The following ATP2B2 variants were observed in gnomAD, a reference collection of about 807,000 sequenced individuals.
ATP2B2 encodes the protein plasma membrane calcium-transporting ATPase 2.
A neutral mutation model predicts 120.0 loss-of-function variants in ATP2B2; 15 were observed. That is an observed-to-expected ratio of 0.12 (90% confidence interval 0.08 to 0.19). ATP2B2 has a LOEUF of 0.19. ATP2B2 is among the 10% of genes least tolerant of loss of function. ATP2B2 has a pLI of 1.00. For synonymous variants in ATP2B2, 694 were observed against 700.3 expected (o/e 0.99, Z 0.14); for missense variants, 1,045 against 1,719.8 (o/e 0.61, Z 6.94).
chr3:10,347,561 C>T lies in ATP2B2; in HGVS notation c.2405-1424G>A, dbSNP rs146694186. ...CTGCAGTGCCGTGTGTTCTGGGAAT[C>T]GTTCTGGGCTGCTCCCACCCAGCTG... On this transcript the variant is annotated intron_variant, in intron 16 of 22. Coordinates refer to ENST00000360273, the MANE Select transcript of ATP2B2 (RefSeq NM_001001331.4). The surrounding 1 kb of genome is among the most constrained non-coding windows in gnomAD (Gnocchi z 5.2). Among the ~76,000 whole-genome samples, 483 of 152,322 alleles carry T rather than the reference C, an allele frequency of 3.2e-3. 4 individuals are homozygous for T. Among genetic ancestry groups the T allele is most frequent in the South Asian group, 0.017 (83 of 4,830 alleles).
In ATP2B2 at chr3:10,640,342, A is replaced by C. The variant is rs902422347; in HGVS notation, c.-459-20381T>G. 6.6e-5 allele frequency among the ~76,000 whole-genome samples: 10 copies of C among 152,326 alleles called. No homozygotes were observed. The East Asian group carries it at 7.7e-4, about 12-fold the overall frequency. ...AGACAGACACAAGTGGTCCAAAGGA[A>C]GGTGAAGACAGCACAGCACCTCTCT... On this transcript the variant is annotated intron_variant, in intron 1 of 21. Coordinates refer to the ATP2B2 transcript ENST00000646379.
At chr3:10,595,705 G>C (rs1210301672) in intron 2 of ATP2B2, among the ~76,000 whole-genome samples, 1 of 152,126 alleles carries the variant, frequency 6.6e-6, no homozygotes, top group African/African-American at 2.4e-5. Flanking sequence ...TTGATGCTTG[G>C]AAATTTTGTT....
In ATP2B2 at chr3:10,375,565, C is replaced by T. The variant is rs113465029; in HGVS notation, c.1281G>A (p.Pro427=). Residue 427 remains proline, a synonymous_variant, in exon 11 of 23, where the codon CCG becomes CCA. Transcript: ENST00000360273. The surrounding 1 kb of genome is among the most constrained non-coding windows in gnomAD (Gnocchi z 4.2). ...AGACGGGCGTGCACTCAGGCAGCCACGGCTTCTTGTTGACCACGAAGGTGT... is the reference window on the plus strand; with the variant it reads ...AGACGGGCGTGCACTCAGGCAGCCATGGCTTCTTGTTGACCACGAAGGTGT... ...TVDTFVVNKK[P]WLPECTPVYV... 92 of 1,613,750 alleles carry T rather than the reference C, an allele frequency of 5.7e-5. No homozygotes were observed. The South Asian group carries it at 6.6e-4, about 12-fold the overall frequency.
intron 1 of ATP2B2, among the ~76,000 whole-genome samples, chr3:10,470,061 C>G (rs1341292098): frequency 6.6e-6 from 1 of 151,962 alleles, no homozygotes; most frequent in Admixed American, 6.6e-5. Flanking sequence ...CCTGAGTGGT[C>G]CTGTGGTCAT....
At chr3:10,592,214 G>A (rs1472186658) in intron 2 of ATP2B2, among the ~76,000 whole-genome samples, 2 of 152,194 alleles carry the variant, frequency 1.3e-5, no homozygotes, top group African/African-American at 4.8e-5. Flanking sequence ...GACTAAGAGA[G>A]GTGAATACTT....
chr3:10,411,882 G>T (rs2062623505), intron 2 of ATP2B2, among the ~76,000 whole-genome samples: 1 of 152,182 alleles, frequency 6.6e-6, no homozygotes, highest in Non-Finnish European at 1.5e-5. Flanking sequence ...ATCATGTGGG[G>T]ACCGGACAGA....
Position 10,562,482 on chromosome 3 carries a change from G to A in ATP2B2, c.-414-28349C>T, listed in dbSNP as rs530665074. On this transcript the variant is annotated intron_variant, in intron 2 of 21. Transcript: ENST00000646379. Reference sequence around the variant, plus strand: ...CTAGTCTATGGGTCTTCTCTTGCTGGGTCTTGGGGAAGGAGGGAAGACTCA... The same window carrying A: ...CTAGTCTATGGGTCTTCTCTTGCTGAGTCTTGGGGAAGGAGGGAAGACTCA... 7.2e-5 allele frequency among the ~76,000 whole-genome samples: 11 copies of A among 152,248 alleles called. No individual in the cohort carries two copies. In the South Asian group the frequency reaches 1.9e-3, roughly 26 times the overall value.
chr3:10,420,731 C>G (rs536180818), intron 2 of ATP2B2, among the ~76,000 whole-genome samples: 1 of 152,312 alleles, frequency 6.6e-6, no homozygotes, highest in South Asian at 2.1e-4. Flanking sequence ...TAAACGAGGT[C>G]GCATCTGGGC....
chr3:10,522,567 C>T (rs1036826181), intron 3 of ATP2B2, among the ~76,000 whole-genome samples: 5 of 152,206 alleles, frequency 3.3e-5, no homozygotes, highest in Non-Finnish European at 5.9e-5. Context: ...TTGGAAACCA[C>T]CCAAGAAAAA....
chr3:10,381,670 A>C (rs2061534585), intron 8 of ATP2B2, among the ~76,000 whole-genome samples: 1 of 152,236 alleles, frequency 6.6e-6, no homozygotes, highest in African/African-American at 2.4e-5. Context: ...TGGAACAGCC[A>C]GCTTTGGCCC....
Position 10,635,442 on chromosome 3 carries a change from C to T in ATP2B2, c.-459-15481G>A, listed in dbSNP as rs919124726. On this transcript the variant is annotated intron_variant, in intron 1 of 21. Coordinates refer to the ATP2B2 transcript ENST00000646379. This position sits in a 1 kb window ranked among gnomAD's most constrained non-coding sequence, Gnocchi z 4.3. Reference sequence around the variant, plus strand: ...AGACTGAGGACACCAGGCAACATGACTTTCCAGCTCTTAGGTGCCTACAGC... The same window carrying T: ...AGACTGAGGACACCAGGCAACATGATTTTCCAGCTCTTAGGTGCCTACAGC... Among the ~76,000 whole-genome samples, 1 of 152,144 alleles carries T rather than the reference C, an allele frequency of 6.6e-6. No homozygotes were observed. Among genetic ancestry groups the T allele is most frequent in the Non-Finnish European group, 1.5e-5 (1 of 68,024 alleles).
At chr3:10,609,878 A>C (rs937521754) in intron 2 of ATP2B2, among the ~76,000 whole-genome samples, 2 of 151,992 alleles carry the variant, frequency 1.3e-5, no homozygotes, top group Non-Finnish European at 2.9e-5. Context: ...TGACCCTTCA[A>C]GGACTGCAGC....
At chr3:10,601,694 C>T (rs1446162134) in intron 2 of ATP2B2, among the ~76,000 whole-genome samples, 2 of 152,180 alleles carry the variant, frequency 1.3e-5, no homozygotes, top group African/African-American at 4.8e-5. Flanking sequence ...GGAAGGACCC[C>T]GGGGAGGGGA....
intron 1 of ATP2B2, among the ~76,000 whole-genome samples, chr3:10,678,874 C>T (rs1036437775): frequency 9.9e-5 from 15 of 152,096 alleles, no homozygotes; most frequent in East Asian, 5.8e-4. Context: ...GATATCATCC[C>T]GTGGTCATGT....
At chr3:10,484,751 T>C (rs2065569164) in intron 1 of ATP2B2, among the ~76,000 whole-genome samples, 1 of 152,144 alleles carries the variant, frequency 6.6e-6, no homozygotes. Context: ...AAAGAAATCT[T>C]ACACACCAGA....
At chr3:10,532,987 C>T (rs879364968) in intron 3 of ATP2B2, among the ~76,000 whole-genome samples, 7 of 152,166 alleles carry the variant, frequency 4.6e-5, no homozygotes, top group Non-Finnish European at 8.8e-5. Flanking sequence ...GATGAGATGG[C>T]AACTCTAAGC....
chr3:10,618,260 G>A (rs76326730), intron 2 of ATP2B2, among the ~76,000 whole-genome samples: 1,705 of 152,274 alleles, frequency 0.011, 32 homozygotes, highest in African/African-American at 0.039. Context: ...CAGTCTCCTC[G>A]CCTGCAGAAC....
chr3:10,389,102 C>T (rs928738430), intron 5 of ATP2B2, among the ~76,000 whole-genome samples: 4 of 152,212 alleles, frequency 2.6e-5, no homozygotes, highest in Admixed American at 1.3e-4. Flanking sequence ...AGGTTAAGAA[C>T]CACTTTCCTA....
At chr3:10,501,298 C>T (rs763024963) in intron 1 of ATP2B2, among the ~76,000 whole-genome samples, 33 of 152,028 alleles carry the variant, frequency 2.2e-4, no homozygotes, top group African/African-American at 6.5e-4. Flanking sequence ...AAGTGAAGAC[C>T]GGGGTGAAGC....
Sources: allele counts gnomAD v4.1 joint callset (sites outside exome capture counted in the v4.1 genomes callset), GRCh38; gene constraint gnomAD v4.1.1; non-coding constraint Gnocchi (gnomAD v3.1); transcripts MANE v1.5; gene names NCBI Gene and HGNC (gene_info 2026-07-23, HGNC 2026-07-21).